Variants in PRDM16 observed in about 807,000 individuals in gnomAD.
PRDM16 encodes the protein PR/SET domain 16.
In PRDM16, 23 loss-of-function variants were observed where a neutral mutation model predicts 110.6. That is an observed-to-expected ratio of 0.21 (90% CI 0.15 to 0.29). The LOEUF is 0.29. PRDM16 is among the 10% of genes least tolerant of loss of function. PRDM16 has a pLI of 1.00. For synonymous variants in PRDM16, 799 were observed against 781.8 expected, an observed-to-expected ratio of 1.02 and a Z score of -0.37; for missense variants, 1,615 against 1,794.3, an observed-to-expected ratio of 0.90 and a Z score of 1.81.
rs567816565 is a variant in PRDM16 at position 3,213,262 on chromosome 1, A to G, written c.387+26788A>G. On this transcript the variant is annotated intron_variant, in intron 2 of 16. Transcript: ENST00000270722. The surrounding 1 kb of genome is among the most constrained non-coding windows in gnomAD (Gnocchi z 5.3). ...AAATGGAGAAGAAACCACCTTCCCA[A>G]ATCTTTATGAATTAAACATGGCATG... Among the ~76,000 whole-genome samples, 1 of 152,174 alleles carries G rather than the reference A, an allele frequency of 6.6e-6. No homozygotes were observed. Among genetic ancestry groups the G allele is most frequent in the African/African-American group, 2.4e-5 (1 of 41,448 alleles).
chr1:3,319,978 A>G (rs1340404182), intron 3 of PRDM16, among the ~76,000 whole-genome samples: 1 of 152,150 alleles, frequency 6.6e-6, no homozygotes, highest in Admixed American at 6.5e-5. Flanking sequence ...TCAGCCAGCC[A>G]TTGGCTACAC....
intron 1 of PRDM16, among the ~76,000 whole-genome samples, chr1:3,121,495 G>A (rs1643092899): frequency 6.6e-6 from 1 of 152,268 alleles, no homozygotes; most frequent in African/African-American, 2.4e-5. Flanking sequence ...GCCCCCAGCT[G>A]GAGCAAACCG....
In PRDM16 at chr1:3,245,226, G is replaced by A. The variant is rs991405432; in HGVS notation, c.438+1089G>A. 2.0e-4 allele frequency among the ~76,000 whole-genome samples: 30 copies of A among 152,164 alleles called. No individual in the cohort carries two copies. Among genetic ancestry groups the A allele is most frequent in the Non-Finnish European group, 4.1e-4 (28 of 68,032 alleles). On this transcript the variant is annotated intron_variant, in intron 3 of 16. Coordinates refer to ENST00000270722, the MANE Select transcript of PRDM16 (RefSeq NM_022114.4). This position sits in a 1 kb window ranked among gnomAD's most constrained non-coding sequence, Gnocchi z 4.7. ...GTACTGGCAGCCTTGTGGTTAGGAA[G>A]CTGAGCTGAGTGTTCAAGTCATCAA...
intron 1 of PRDM16, among the ~76,000 whole-genome samples, chr1:3,074,426 T>C (rs555727271): frequency 2.6e-5 from 4 of 152,050 alleles, no homozygotes; most frequent in Admixed American, 2.6e-4. Context: ...TGTGTGTGTG[T>C]GTGCGCGTGT....
rs34992735 is a variant in PRDM16, at chr1:3,411,742, G to A, written c.1545G>A (p.Pro515=). 291 of 1,611,524 alleles carry A rather than the reference G, an allele frequency of 1.8e-4. No homozygotes were observed. The highest frequency in any genetic ancestry group is 2.3e-4 in the Non-Finnish European group (272 of 1,179,062). The change falls in exon 9 of 17, where the codon CCG becomes CCA. Residue 515 remains proline (P), a synonymous_variant. Transcript: ENST00000270722. ...PTFPALTPGF[P]GIFPPSLYPR... Reference sequence around the variant, plus strand: ...TCCCCGCACTCACCCCCGGCTTCCCGGGCATCTTCCCTCCATCCTTGTACC... The same window carrying A: ...TCCCCGCACTCACCCCCGGCTTCCCAGGCATCTTCCCTCCATCCTTGTACC...
chr1:3,347,465 G>C (rs748002363), intron 3 of PRDM16, among the ~76,000 whole-genome samples: 1 of 152,214 alleles, frequency 6.6e-6, no homozygotes, highest in Non-Finnish European at 1.5e-5. Flanking sequence ...GCTCCTGGAA[G>C]GCCCCGCCCT....
intron 1 of PRDM16, among the ~76,000 whole-genome samples, chr1:3,099,198 G>C (rs1335788325): frequency 1.3e-5 from 2 of 152,206 alleles, no homozygotes; most frequent in Non-Finnish European, 2.9e-5. Flanking sequence ...GGGCAGCTCG[G>C]TCAGCCCTTC....
intron 1 of PRDM16, among the ~76,000 whole-genome samples, chr1:3,125,956 T>C (rs1378332972): frequency 6.6e-6 from 1 of 152,252 alleles, no homozygotes. Flanking sequence ...AACAGGCTGC[T>C]TAATTAGCAA....
rs1259519600 is a variant in PRDM16 at position 3,425,244 on chromosome 1, A to AT, written c.2940-330dup. ...AGGCGCCCACCACCACGACTGGCTG[A>AT]TTTTTTTGTATTTTTAGTAGAGACG... On this transcript the variant is annotated intron_variant, in intron 12 of 16. Coordinates refer to ENST00000270722, the MANE Select transcript of PRDM16 (RefSeq NM_022114.4). The surrounding 1 kb of genome is among the most constrained non-coding windows in gnomAD (Gnocchi z 6.9). The AT allele has an allele frequency of 1.3e-4, 24 of 181,934 alleles. No individual in the cohort carries two copies. In the East Asian group the frequency reaches 2.0e-3, roughly 15 times the overall value. The allele number at this position is 181,934 out of a possible 1,614,324, so 11.3% of individuals were successfully genotyped here. A position where few individuals can be genotyped will look rare whatever the true frequency, so the allele number is the denominator to read the frequency against.
intron 1 of PRDM16, among the ~76,000 whole-genome samples, chr1:3,141,649 T>A (rs1205063254): frequency 6.6e-6 from 1 of 152,208 alleles, no homozygotes; most frequent in African/African-American, 2.4e-5. Context: ...GTGGCATTAA[T>A]CATATGTGGC....
At chr1:3,287,702 C>CT (rs1443122516) in intron 3 of PRDM16, among the ~76,000 whole-genome samples, 2 of 126,548 alleles carry the variant, frequency 1.6e-5, no homozygotes, top group African/African-American at 8.1e-5. Flanking sequence ...GGAACCGCCC[C>CT]GCCACGCGGA....
chr1:3,311,868 T>C (rs2282195), intron 3 of PRDM16, among the ~76,000 whole-genome samples: 4,074 of 152,256 alleles, frequency 0.027, 306 homozygotes, highest in East Asian at 0.25. Flanking sequence ...CACCCCACCC[T>C]GGGTCCAGAG....
Position 3,431,086 on chromosome 1 carries a change from G to T in PRDM16, c.3499G>T (p.Val1167Leu). ...EDEEPAASLA[V>L]GFDHTRRCAE... ...TGAGGAGCCAGCCGCCTCCCTGGCC[G>T]TGGGCTTTGACCACACCCGAAGGTG... Residue 1167 changes from valine (V) to leucine (L), a missense_variant, in exon 15 of 17, where the codon GTG becomes TTG. By Grantham distance (32) the Val-to-Leu change is conservative. Transcript: ENST00000270722. 1 of 1,551,550 alleles carries T rather than the reference G, an allele frequency of 6.4e-7. No homozygotes were observed. The highest frequency in any genetic ancestry group is 8.7e-7 in the Non-Finnish European group (1 of 1,147,936).
At chr1:3,166,159 A>T (rs1461563351) in intron 1 of PRDM16, among the ~76,000 whole-genome samples, 2 of 152,240 alleles carry the variant, frequency 1.3e-5, no homozygotes, top group Non-Finnish European at 2.9e-5. Context: ...AACTGCCAGG[A>T]AATCATGGAT....
intron 3 of PRDM16, among the ~76,000 whole-genome samples, chr1:3,283,033 G>T (rs550177334): frequency 6.6e-6 from 1 of 152,348 alleles, no homozygotes; most frequent in South Asian, 2.1e-4. Context: ...TGTGAGACAG[G>T]CGAGGCTGTG....
chr1:3,273,183 G>T (rs1279203297), intron 3 of PRDM16, among the ~76,000 whole-genome samples: 2 of 152,168 alleles, frequency 1.3e-5, no homozygotes, highest in Non-Finnish European at 2.9e-5. Flanking sequence ...GGCAGAGCAG[G>T]TTTTTACCCA....
intron 2 of PRDM16, among the ~76,000 whole-genome samples, chr1:3,239,041 G>A (rs1164174503): frequency 6.6e-6 from 1 of 152,244 alleles, no homozygotes; most frequent in African/African-American, 2.4e-5. Flanking sequence ...AAAATGACCC[G>A]CTGCTGTTAT....
chr1:3,402,960 G>A lies in PRDM16; in HGVS notation c.846G>A (p.Glu282=), dbSNP rs1441870165. The A allele has an allele frequency of 2.2e-5, 35 of 1,612,374 alleles. No individual in the cohort carries two copies. The highest frequency in any genetic ancestry group is 3.0e-5 in the Non-Finnish European group (35 of 1,179,830). The change falls in exon 6 of 17, where the codon GAG becomes GAA. Residue 282 remains glutamate (E), a synonymous_variant. Coordinates refer to ENST00000270722, the MANE Select transcript of PRDM16 (RefSeq NM_022114.4). The stretch of plus-strand genomic sequence containing the variant: ...GCGGTGGCAGCGGCCAAGCCCACGA[G>A]TGCAAGGACTGCGAGCGGATGTTCC... ...GLGGGSGQAH[E]CKDCERMFPN...
At chr1:3,343,796 A>G (rs367588138) in intron 3 of PRDM16, among the ~76,000 whole-genome samples, 6 of 151,860 alleles carry the variant, frequency 4.0e-5, no homozygotes, top group East Asian at 3.9e-4. Context: ...ATCCACCACC[A>G]TGCCGGGCTA....
Sources: allele counts gnomAD v4.1 joint callset (sites outside exome capture counted in the v4.1 genomes callset), GRCh38; gene constraint gnomAD v4.1.1; non-coding constraint Gnocchi (gnomAD v3.1); transcripts MANE v1.5; gene names NCBI Gene and HGNC (gene_info 2026-07-23, HGNC 2026-07-21).